Variants in ADAMTSL1 observed in about 807,000 individuals in gnomAD.
ADAMTSL1 encodes the protein ADAMTS like 1.
A neutral mutation model predicts 201.8 loss-of-function variants in ADAMTSL1; 126 were observed. That is an observed-to-expected ratio of 0.62 (90% CI 0.54 to 0.72). ADAMTSL1 has a LOEUF of 0.72. Among genes scored for constraint, ADAMTSL1 ranks in the 30% least tolerant of loss-of-function variants. The probability of loss-of-function intolerance (pLI) is 0.00; values close to 1 mark genes in which losing one functional copy is unlikely to be tolerated. For synonymous variants in ADAMTSL1, 1,121 were observed against 903.4 expected (o/e 1.24, Z -4.32); for missense variants, 2,679 against 2,277.8 (o/e 1.18, Z -3.59).
intron 2 of ADAMTSL1, among the ~76,000 whole-genome samples, chr9:18,412,497 T>A (rs558497032): frequency 6.6e-6 from 1 of 152,326 alleles, no homozygotes; most frequent in East Asian, 1.9e-4. Flanking sequence ...CATTTCCTTG[T>A]CAACTTTTTA....
chr9:18,438,789 C>A (rs1458250681), intron 2 of ADAMTSL1, among the ~76,000 whole-genome samples: 1 of 152,108 alleles, frequency 6.6e-6, no homozygotes, highest in Non-Finnish European at 1.5e-5. Flanking sequence ...CTGCACACGC[C>A]GGGCAGCCCC....
At chr9:17,985,955 A>C (rs1482603845) in intron 1 of ADAMTSL1, among the ~76,000 whole-genome samples, 1 of 152,152 alleles carries the variant, frequency 6.6e-6, no homozygotes, top group Non-Finnish European at 1.5e-5. Context: ...GTGTTCCTCT[A>C]ACACTAATTA....
At chr9:18,183,601 T>A (rs975263443) in intron 2 of ADAMTSL1, among the ~76,000 whole-genome samples, 7 of 152,036 alleles carry the variant, frequency 4.6e-5, no homozygotes, top group African/African-American at 1.7e-4. Flanking sequence ...AGTTGGCAAA[T>A]AAGCATATAA....
At chr9:18,260,407 G>T (rs565888307) in intron 2 of ADAMTSL1, among the ~76,000 whole-genome samples, 1 of 152,166 alleles carries the variant, frequency 6.6e-6, no homozygotes, top group Non-Finnish European at 1.5e-5. Context: ...GAAATATTCC[G>T]CAAACATGAC....
rs116061583 is a variant in ADAMTSL1, at chr9:18,064,034, C to G, written c.88-99828C>G. On this transcript the variant is annotated intron_variant, in intron 1 of 29. Coordinates refer to the ADAMTSL1 transcript ENST00000680146. ...ATGCATATTTTTATGAATCCCCTCT[C>G]TTTTTTCAAAGTTAAAAAAATAAAA... Among the ~76,000 whole-genome samples, 717 of 152,264 alleles carry G rather than the reference C, an allele frequency of 4.7e-3. 5 individuals are homozygous for G. The highest frequency in any genetic ancestry group is 0.017 in the African/African-American group (686 of 41,564).
intron 2 of ADAMTSL1, among the ~76,000 whole-genome samples, chr9:18,285,684 G>C (rs996252371): frequency 8.6e-5 from 13 of 151,588 alleles, no homozygotes; most frequent in Non-Finnish European, 1.8e-4. Context: ...CCTTTCCTTT[G>C]TTTATAATCA....
chr9:18,498,335 C>T (rs984435208), intron 1 of ADAMTSL1, among the ~76,000 whole-genome samples: 18 of 145,620 alleles, frequency 1.2e-4, no homozygotes, highest in Non-Finnish European at 2.6e-4. Flanking sequence ...TTCCCCCCAC[C>T]CCCTTTTTTT....
intron 20 of ADAMTSL1, among the ~76,000 whole-genome samples, chr9:18,805,945 T>G (rs1437363703): frequency 6.6e-6 from 1 of 152,184 alleles, no homozygotes; most frequent in East Asian, 1.9e-4. Context: ...CACAAGTCTC[T>G]CTTCACCCTG....
chr9:18,528,252 G>A (rs187695624), intron 2 of ADAMTSL1, among the ~76,000 whole-genome samples: 7 of 152,082 alleles, frequency 4.6e-5, no homozygotes, highest in Non-Finnish European at 2.9e-5. Flanking sequence ...TGTTACAAAG[G>A]TAAACGTGTG....
chr9:18,135,426 A>G (rs968197131), intron 1 of ADAMTSL1, among the ~76,000 whole-genome samples: 3 of 152,156 alleles, frequency 2.0e-5, no homozygotes, highest in Non-Finnish European at 4.4e-5. Flanking sequence ...TGTGAATTGT[A>G]TTGCTGAAAG....
chr9:18,776,982 T>C lies in ADAMTSL1; in HGVS notation c.2753T>C (p.Leu918Pro), dbSNP rs1287849566. Residue 918 changes from leucine to proline, a missense_variant, in exon 19 of 29, where the codon CTC (leucine) becomes CCC (proline). Physicochemically the swap from Leu to Pro is moderately conservative, Grantham distance 98. Transcript: ENST00000380548. ...LITWEKDGQH[L>P]ISSTHVTVAP... Reference sequence around the variant, plus strand: ...ACCTGGGAGAAGGACGGCCAGCACCTCATCAGCTCGACGCACGTCACGGTG... The same window carrying C: ...ACCTGGGAGAAGGACGGCCAGCACCCCATCAGCTCGACGCACGTCACGGTG... 5 of 1,599,316 alleles carry C rather than the reference T, an allele frequency of 3.1e-6. No individual in the cohort carries two copies. Among genetic ancestry groups the C allele is most frequent in the Non-Finnish European group, 4.3e-6 (5 of 1,171,230 alleles).
At chr9:18,506,288 G>A (rs1000873553) in intron 2 of ADAMTSL1, among the ~76,000 whole-genome samples, 5 of 152,148 alleles carry the variant, frequency 3.3e-5, no homozygotes, top group African/African-American at 7.2e-5. Context: ...GCTGCCACAC[G>A]GTGATAATGT....
In ADAMTSL1 at chr9:18,332,540, T is replaced by C. The variant is rs146961944; in HGVS notation, c.207+168559T>C. On this transcript the variant is annotated intron_variant, in intron 2 of 29. Transcript: ENST00000680146. ...ATCATAGCCCCCTGCAGCCTTGACC[T>C]CTCAGGCTCCAGCAATCCTCCTGCC... 5.0e-4 allele frequency among the ~76,000 whole-genome samples: 76 copies of C among 152,294 alleles called. No homozygotes were observed. The East Asian group carries it at 0.014, about 28-fold the overall frequency.
intron 2 of ADAMTSL1, among the ~76,000 whole-genome samples, chr9:18,367,578 AAT>A (rs899980273): frequency 6.6e-6 from 1 of 151,656 alleles, no homozygotes; most frequent in Non-Finnish European, 1.5e-5. Context: ...ACTATGTATA[AAT>A]ATATATATAT....
intron 16 of ADAMTSL1, among the ~76,000 whole-genome samples, chr9:18,761,345 G>A (rs1353730465): frequency 6.6e-6 from 1 of 152,076 alleles, no homozygotes; most frequent in African/African-American, 2.4e-5. Flanking sequence ...GGACACTTGG[G>A]CCATTGTATT....
At chr9:18,747,057 G>C (rs1178643236) in intron 15 of ADAMTSL1, among the ~76,000 whole-genome samples, 1 of 152,142 alleles carries the variant, frequency 6.6e-6, no homozygotes, top group Non-Finnish European at 1.5e-5. Context: ...TTTGTCACTT[G>C]TGATTTTCTG....
intron 23 of ADAMTSL1, among the ~76,000 whole-genome samples, chr9:18,846,039 G>A (rs775175345): frequency 6.6e-6 from 1 of 152,210 alleles, no homozygotes; most frequent in Non-Finnish European, 1.5e-5. Flanking sequence ...TGCCTAATAT[G>A]TGCCAAACAG....
chr9:17,917,813 G>A (rs1826156245), intron 1 of ADAMTSL1, among the ~76,000 whole-genome samples: 1 of 151,848 alleles, frequency 6.6e-6, no homozygotes, highest in Non-Finnish European at 1.5e-5. Flanking sequence ...ATTTTATTTG[G>A]TGTGAGAACT....
chr9:18,898,947 C>T (rs1829832483), intron 26 of ADAMTSL1, among the ~76,000 whole-genome samples: 2 of 152,150 alleles, frequency 1.3e-5, no homozygotes, highest in South Asian at 2.1e-4. Flanking sequence ...GAAGTTCTCG[C>T]CAGGGCAATC....
Sources: gnomAD v4.1 joint callset for allele counts (sites outside exome capture counted in the v4.1 genomes callset) on GRCh38, gnomAD v4.1.1 for gene constraint, MANE v1.5 for transcripts, NCBI Gene and HGNC (gene_info 2026-07-23, HGNC 2026-07-21) for gene names.